Variants in CADM2 observed in about 807,000 individuals in gnomAD.
The protein encoded by CADM2 is cell adhesion molecule 2.
A neutral mutation model predicts 49.8 loss-of-function variants in CADM2; 12 were observed. The ratio of observed to expected loss-of-function variants is 0.24; its 90% CI spans 0.15 to 0.39. CADM2 has a LOEUF of 0.39. Among genes scored for constraint, CADM2 ranks in the 10% least tolerant of loss-of-function variants. CADM2 has a pLI of 1.00. For synonymous variants in CADM2, 214 were observed against 175.4 expected (o/e 1.22, Z -1.74); for missense variants, 378 against 492.3 (o/e 0.77, Z 2.20).
At chr3:85,173,426 C>A (rs925263392) in intron 1 of CADM2, among the ~76,000 whole-genome samples, 1 of 152,058 alleles carries the variant, frequency 6.6e-6, no homozygotes, top group African/African-American at 2.4e-5. Flanking sequence ...TTTTGTTTCA[C>A]TATAAGCATT....
At chr3:85,476,876 T>C (rs367966047) in intron 1 of CADM2, among the ~76,000 whole-genome samples, 1 of 148,170 alleles carries the variant, frequency 6.7e-6, no homozygotes, top group Admixed American at 7.1e-5. Flanking sequence ...AGTTGCAATA[T>C]AGTTAATAGC....
At chr3:85,541,648 A>G (rs1443404612) in intron 1 of CADM2, among the ~76,000 whole-genome samples, 1 of 148,206 alleles carries the variant, frequency 6.7e-6, no homozygotes, top group Admixed American at 6.8e-5. Flanking sequence ...CAATGAAAAA[A>G]AAAGCAACAC....
intron 1 of CADM2, among the ~76,000 whole-genome samples, chr3:85,541,765 ATTT>A (rs755727450): frequency 3.8e-5 from 3 of 78,346 alleles, no homozygotes; most frequent in East Asian, 2.6e-4. Flanking sequence ...TTATATATAT[ATTT>A]TATATTTTAT....
chr3:85,643,877 A>T (rs1035857500), intron 1 of CADM2, among the ~76,000 whole-genome samples: 2 of 152,254 alleles, frequency 1.3e-5, no homozygotes, highest in African/African-American at 4.8e-5. Flanking sequence ...TACCCTCATT[A>T]TATTCTTAAT....
chr3:85,111,898 G>T (rs1411440908), intron 1 of CADM2, among the ~76,000 whole-genome samples: 1 of 151,636 alleles, frequency 6.6e-6, no homozygotes, highest in South Asian at 2.1e-4. Context: ...GTCATATAAT[G>T]GTTTCTAATT....
chr3:85,044,216 G>T (rs2035558512), intron 1 of CADM2, among the ~76,000 whole-genome samples: 2 of 152,138 alleles, frequency 1.3e-5, no homozygotes, highest in South Asian at 4.1e-4. Flanking sequence ...TTCCATATGG[G>T]TGAGAAGAAG....
At chr3:86,021,313 T>C (rs1232620726) in intron 8 of CADM2, among the ~76,000 whole-genome samples, 1 of 152,110 alleles carries the variant, frequency 6.6e-6, no homozygotes, top group Non-Finnish European at 1.5e-5. Flanking sequence ...ACTGCTTTTT[T>C]GTATCCATCC....
At chr3:85,329,068 C>G (rs2044835600) in intron 1 of CADM2, among the ~76,000 whole-genome samples, 1 of 151,986 alleles carries the variant, frequency 6.6e-6, no homozygotes, top group Admixed American at 6.5e-5. Flanking sequence ...ACAATTTGGA[C>G]ACAGAAAAAT....
chr3:85,916,865 T>C (rs1164929099), intron 6 of CADM2, among the ~76,000 whole-genome samples: 3 of 152,212 alleles, frequency 2.0e-5, no homozygotes, highest in Non-Finnish European at 4.4e-5. Context: ...ATCGCCATTC[T>C]AACTGGTGTG....
At chr3:85,413,161 A>AAAAAT (rs1553720239) in intron 1 of CADM2, among the ~76,000 whole-genome samples, 10 of 108,508 alleles carry the variant, frequency 9.2e-5, no homozygotes, top group African/African-American at 3.7e-4. Context: ...AAAAAAAAAA[A>AAAAAT]AATAATAATA....
intron 1 of CADM2, among the ~76,000 whole-genome samples, chr3:85,649,369 A>G (rs1269151720): frequency 6.6e-6 from 1 of 152,170 alleles, no homozygotes; most frequent in Admixed American, 6.5e-5. Context: ...TAGAACAGAA[A>G]ACTGAAGTAG....
intron 1 of CADM2, among the ~76,000 whole-genome samples, chr3:85,105,691 AC>A: frequency 6.6e-6 from 1 of 152,310 alleles, no homozygotes; most frequent in Non-Finnish European, 1.5e-5. Context: ...CTTGGAACCA[AC>A]CCAAATGTCC....
chr3:85,323,957 T>C (rs1411741334), intron 1 of CADM2, among the ~76,000 whole-genome samples: 1 of 152,170 alleles, frequency 6.6e-6, no homozygotes, highest in Non-Finnish European at 1.5e-5. Flanking sequence ...ACCTTACGAA[T>C]CAATTAAGCA....
rs569035475 is a variant in CADM2 at position 85,087,012 on chromosome 3, A to G, written c.61+127344A>G. Among the ~76,000 whole-genome samples the G allele has an allele frequency of 2.6e-4, 40 of 152,310 alleles. No individual in the cohort carries two copies. In the South Asian group the frequency reaches 3.3e-3, roughly 13 times the overall value. ...CCAGGAAATGGATGATGCTTCAGTT[A>G]AAGAAAAAAGAAGAGTTCTGTGGCT... is the stretch of plus-strand genomic sequence containing the variant. On this transcript the variant is annotated intron_variant, in intron 1 of 9. Transcript: ENST00000383699.
intron 1 of CADM2, among the ~76,000 whole-genome samples, chr3:85,470,532 A>T (rs896957731): frequency 1.6e-4 from 24 of 152,202 alleles, no homozygotes; most frequent in African/African-American, 5.8e-4. Flanking sequence ...CTGAAATGAA[A>T]ACTATATGAA....
At chr3:85,702,420 C>A (rs1432918358) in intron 1 of CADM2, among the ~76,000 whole-genome samples, 1 of 152,030 alleles carries the variant, frequency 6.6e-6, no homozygotes, top group Non-Finnish European at 1.5e-5. Context: ...AGCTAGAAGG[C>A]TTAAAAAATG....
At chr3:85,756,207 C>T (rs2069113908) in intron 2 of CADM2, among the ~76,000 whole-genome samples, 4 of 151,890 alleles carry the variant, frequency 2.6e-5, no homozygotes, top group Admixed American at 2.6e-4. Context: ...ATTTAATGGT[C>T]TATATGTCTG....
chr3:85,539,519 G>GATTAGTA (rs1451811191), intron 1 of CADM2, among the ~76,000 whole-genome samples: 1 of 151,982 alleles, frequency 6.6e-6, no homozygotes, highest in Admixed American at 6.6e-5. Flanking sequence ...TAATGGTATA[G>GATTAGTA]ATGCTCTAGC....
At chr3:85,872,506 C>T (rs1052201062) in intron 3 of CADM2, among the ~76,000 whole-genome samples, 6 of 151,506 alleles carry the variant, frequency 4.0e-5, no homozygotes, top group African/African-American at 1.2e-4. Context: ...TTATTATACT[C>T]ATTTATAAAA....
Sources: gnomAD v4.1 joint callset for allele counts (sites outside exome capture counted in the v4.1 genomes callset) on GRCh38, gnomAD v4.1.1 for gene constraint, MANE v1.5 for transcripts, NCBI Gene and HGNC (gene_info 2026-07-23, HGNC 2026-07-21) for gene names.